IDO2: variants seen among roughly 807,000 people sequenced by gnomAD.
IDO2 encodes indoleamine 2,3-dioxygenase-like 1 protein.
In IDO2, 46 loss-of-function variants were observed where a neutral mutation model predicts 45.1. The observed-to-expected ratio is 1.02, with a 90% CI of 0.80 to 1.30. The LOEUF (loss-of-function observed/expected upper bound fraction) is 1.30, where lower values mean the gene tolerates loss of function less well. Ranked by LOEUF, IDO2 falls within the 50% of genes most tolerant of loss-of-function variation. IDO2 has a pLI of 0.00. For missense variants in IDO2, 544 were observed against 491.8 expected, an observed-to-expected ratio of 1.11 and a Z score of -1.00; for synonymous variants, 218 against 184.9, an observed-to-expected ratio of 1.18 and a Z score of -1.45.
exon 11 of IDO2, chr8:40,015,646 A>G: frequency 7.0e-7 from 1 of 1,430,830 alleles, no homozygotes; most frequent in Non-Finnish European, 9.7e-7. Flanking sequence ...CATGGAGGGC[A>G]GGTGGGCCTG....
intron 1 of IDO2, among the ~76,000 whole-genome samples, chr8:39,947,864 T>C (rs1334203407): frequency 2.6e-5 from 4 of 151,600 alleles, no homozygotes; most frequent in Non-Finnish European, 5.9e-5. Context: ...CTCGGCTCAC[T>C]GCAACCTCCA....
At chr8:39,996,246 T>C (rs548707358) in intron 8 of IDO2, among the ~76,000 whole-genome samples, 5 of 152,318 alleles carry the variant, frequency 3.3e-5, no homozygotes, top group African/African-American at 1.2e-4. Flanking sequence ...CTCCCTGTGA[T>C]GCTGTGCTTC....
exon 11 of IDO2, chr8:40,015,433 C>T (rs764772490): frequency 1.9e-6 from 3 of 1,613,962 alleles, no homozygotes; most frequent in Non-Finnish European, 2.5e-6. Context: ...ACCATGGTCA[C>T]CAAATACCTC....
chr8:39,989,418 T>C (rs1808469091), intron 7 of IDO2, among the ~76,000 whole-genome samples: 1 of 152,180 alleles, frequency 6.6e-6, no homozygotes, highest in African/African-American at 2.4e-5. Flanking sequence ...GCAGTAGAAC[T>C]GATCATAACG....
At position 39,984,887 on chromosome 8, in the gene IDO2, T is replaced by C. The variant is rs1808400861; in HGVS notation, c.435-621T>C. The C allele has an allele frequency of 6.9e-6, 3 of 434,622 alleles. No individual in the cohort carries two copies. In the East Asian group the frequency reaches 2.3e-4, roughly 34 times the overall value. The allele number at this position is 434,622 out of a possible 1,614,324, so 26.9% of individuals were successfully genotyped here. ...CAACTAGCTAGAATAAAATGTGGGGTTGTGGTAAATACAAAAATGTAAGAT... is the reference window on the plus strand; with the variant it reads ...CAACTAGCTAGAATAAAATGTGGGGCTGTGGTAAATACAAAAATGTAAGAT... On this transcript the variant is annotated intron_variant, in intron 5 of 10. Coordinates refer to ENST00000502986, the Ensembl canonical transcript of IDO2.
chr8:39,949,182 C>T lies in IDO2; in HGVS notation c.17C>T (p.Pro6Leu), dbSNP rs1271201884. The change falls in exon 2 of 11, where the codon CCG becomes CTG. Residue 6 changes from proline (P) to leucine (L), a missense_variant. Transcript: ENST00000502986. Reference sequence around the variant, plus strand: ...AACAAAATAATGGAGCCCCACAGACCGAATGTGAAGACAGCAGTGCCATTG... The same window carrying T: ...AACAAAATAATGGAGCCCCACAGACTGAATGTGAAGACAGCAGTGCCATTG... The T allele has an allele frequency of 6.8e-6, 11 of 1,608,044 alleles. No homozygotes were observed. The highest frequency in any genetic ancestry group is 4.5e-5 in the East Asian group (2 of 44,834).
chr8:39,999,068 C>A (rs1802095704), intron 8 of IDO2, among the ~76,000 whole-genome samples: 1 of 152,094 alleles, frequency 6.6e-6, no homozygotes, highest in Non-Finnish European at 1.5e-5. Context: ...CTTTATTTCT[C>A]CTCAATTCCT....
chr8:40,002,375 T>C (rs1368560703), intron 8 of IDO2, among the ~76,000 whole-genome samples: 1 of 152,160 alleles, frequency 6.6e-6, no homozygotes, highest in Admixed American at 6.5e-5. Context: ...AGCCTTGTGG[T>C]ATTCCTCATT....
At chr8:39,988,013 T>G in intron 7 of IDO2, 43 bp downstream of exon 7, 1 of 1,145,682 alleles carries the variant, frequency 8.7e-7, no homozygotes, top group South Asian at 1.3e-5. Flanking sequence ...TAAATGAGCT[T>G]GAGCTTTACT....
chr8:39,940,168 C>A (rs1451098652), intron 1 of IDO2, among the ~76,000 whole-genome samples: 3 of 152,118 alleles, frequency 2.0e-5, no homozygotes, highest in African/African-American at 7.2e-5. Context: ...GGGTACAGCC[C>A]TGAGTTTCTT....
intron 2 of IDO2, among the ~76,000 whole-genome samples, chr8:39,954,018 AC>A (rs370846931): frequency 2.0e-5 from 3 of 151,990 alleles, no homozygotes; most frequent in African/African-American, 2.4e-5. Context: ...CAACTTAATA[AC>A]CCTTTCTGCA....
chr8:39,950,874 G>A (rs117508205), intron 2 of IDO2, among the ~76,000 whole-genome samples: 15 of 152,258 alleles, frequency 9.9e-5, no homozygotes, highest in East Asian at 1.9e-4. Context: ...CAGACATGCC[G>A]GAGCAAGCTA....
chr8:40,016,121 A>T, exon 11 of IDO2: 1 of 394,296 alleles, frequency 2.5e-6, no homozygotes. Context: ...AGATGGGAAG[A>T]TAGAGGATGC....
intron 2 of IDO2, among the ~76,000 whole-genome samples, chr8:39,954,029 A>G (rs766586104): frequency 9.2e-5 from 14 of 152,026 alleles, no homozygotes; most frequent in Admixed American, 3.3e-4. Context: ...CCCTTTCTGC[A>G]TTTTCTATTC....
chr8:40,008,974 C>CTTGATTTATCCTATTT (rs1802263287), intron 9 of IDO2, among the ~76,000 whole-genome samples: 1 of 151,592 alleles, frequency 6.6e-6, no homozygotes, highest in African/African-American at 2.4e-5. Context: ...CTTTTTTGTT[C>CTTGATTTATCCTATTT]TTGATTTATC....
At chr8:39,957,437 C>T (rs1454644505) in intron 2 of IDO2, among the ~76,000 whole-genome samples, 2 of 151,974 alleles carry the variant, frequency 1.3e-5, no homozygotes, top group Non-Finnish European at 2.9e-5. Flanking sequence ...CATAGCGAGA[C>T]CCCATCTCTA....
chr8:39,961,673 C>G (rs2543045), intron 2 of IDO2, among the ~76,000 whole-genome samples: 28,808 of 152,028 alleles, frequency 0.19, 2,744 homozygotes, highest in East Asian at 0.27. Context: ...AACTGTGTAT[C>G]CAACTTCTCA....
At chr8:40,003,121 T>C (rs2129595246) in intron 8 of IDO2, among the ~76,000 whole-genome samples, 1 of 152,010 alleles carries the variant, frequency 6.6e-6, no homozygotes, top group Non-Finnish European at 1.5e-5. Flanking sequence ...AGAGAGTATA[T>C]CCCTTCGGGA....
chr8:39,936,965 A>G (rs541143553), intron 1 of IDO2, among the ~76,000 whole-genome samples: 4 of 152,336 alleles, frequency 2.6e-5, no homozygotes, highest in African/African-American at 9.6e-5. Flanking sequence ...GAGGAAAGAC[A>G]TCTTTTAAAA....
Sources: allele counts gnomAD v4.1 joint callset (sites outside exome capture counted in the v4.1 genomes callset), GRCh38; gene constraint gnomAD v4.1.1; transcripts MANE v1.5; gene names NCBI Gene and HGNC (gene_info 2026-07-23, HGNC 2026-07-21).